TPRG1: variants seen among roughly 807,000 people sequenced by gnomAD.
The protein encoded by TPRG1 is tumor protein p63-regulated gene 1 protein.
Under a neutral mutation model 29.3 loss-of-function variants are expected in TPRG1, and 29 were observed. That is an observed-to-expected ratio of 0.99 (90% CI 0.74 to 1.35). TPRG1 has a LOEUF of 1.35. TPRG1 is among the 40% of genes most tolerant of loss of function. The probability of loss-of-function intolerance (pLI) is 0.00; values close to 1 mark genes in which losing one functional copy is unlikely to be tolerated. For synonymous variants in TPRG1, 130 were observed against 116.8 expected (o/e 1.11, Z -0.73); for missense variants, 327 against 335.0 (o/e 0.98, Z 0.19).
intron 1 of TPRG1, among the ~76,000 whole-genome samples, chr3:189,101,857 T>C (rs1719240998): frequency 6.6e-6 from 1 of 151,948 alleles, no homozygotes; most frequent in African/African-American, 2.4e-5. Context: ...TACTCAGTAC[T>C]TGGTGTGCTG....
At chr3:189,236,035 A>G (rs958832525) in intron 3 of TPRG1, among the ~76,000 whole-genome samples, 2 of 152,224 alleles carry the variant, frequency 1.3e-5, no homozygotes, top group Non-Finnish European at 2.9e-5. Context: ...GGAATATGCA[A>G]TTTAATGTTT....
chr3:189,272,643 CTCTT>C (rs1244715041), intron 4 of TPRG1, among the ~76,000 whole-genome samples: 1 of 151,754 alleles, frequency 6.6e-6, no homozygotes, highest in Non-Finnish European at 1.5e-5. Flanking sequence ...TTCTCTCTCT[CTCTT>C]TCCTTCCTTC....
intron 2 of TPRG1, among the ~76,000 whole-genome samples, chr3:189,130,802 A>G (rs928291920): frequency 1.3e-5 from 2 of 152,240 alleles, no homozygotes; most frequent in Non-Finnish European, 2.9e-5. Flanking sequence ...TATTCCAGCT[A>G]TAACAGGCTT....
At chr3:189,142,659 C>T (rs1724728442) in intron 3 of TPRG1, among the ~76,000 whole-genome samples, 1 of 152,212 alleles carries the variant, frequency 6.6e-6, no homozygotes, top group Non-Finnish European at 1.5e-5. Flanking sequence ...ATGGTGCTTG[C>T]AACCTGTTCC....
At chr3:189,239,509 A>G (rs1317980036) in intron 4 of TPRG1, among the ~76,000 whole-genome samples, 2 of 152,206 alleles carry the variant, frequency 1.3e-5, no homozygotes, top group East Asian at 3.9e-4. Flanking sequence ...GTAAGGAAGA[A>G]AGAGCTGTGG....
intron 4 of TPRG1, among the ~76,000 whole-genome samples, chr3:189,046,941 A>G (rs1200394925): frequency 2.6e-5 from 4 of 152,152 alleles, no homozygotes; most frequent in South Asian, 4.1e-4. Flanking sequence ...AACGACAACA[A>G]TGAGTTCTCA....
At chr3:189,155,059 T>A (rs1344749694) in intron 5 of TPRG1, among the ~76,000 whole-genome samples, 1 of 152,136 alleles carries the variant, frequency 6.6e-6, no homozygotes, top group Non-Finnish European at 1.5e-5. Context: ...CCCTGAGGCC[T>A]GCATGCAACT....
chr3:189,032,755 A>C (rs1203568889), intron 4 of TPRG1, among the ~76,000 whole-genome samples: 76 of 55,060 alleles, frequency 1.4e-3, no homozygotes, highest in Middle Eastern at 0.017. Flanking sequence ...CCCTCCCCCC[A>C]CCCCACAACA....
chr3:189,111,161 T>A (rs912153663), intron 1 of TPRG1, among the ~76,000 whole-genome samples: 1 of 151,980 alleles, frequency 6.6e-6, no homozygotes, highest in Admixed American at 6.6e-5. Context: ...TAGGTTAATT[T>A]GGGGGAAATT....
intron 3 of TPRG1, among the ~76,000 whole-genome samples, chr3:189,135,472 C>A (rs1020459708): frequency 1.3e-5 from 2 of 152,174 alleles, no homozygotes; most frequent in African/African-American, 4.8e-5. Context: ...CAAGCTAAAA[C>A]CTAGTCCTCT....
At chr3:189,133,447 A>G (rs537343210) in intron 3 of TPRG1, among the ~76,000 whole-genome samples, 1 of 152,226 alleles carries the variant, frequency 6.6e-6, no homozygotes, top group Admixed American at 6.5e-5. Flanking sequence ...TTGAATTGTA[A>G]TCCCCTCGTA....
chr3:189,305,294 G>A (rs1721451479), intron 4 of TPRG1, among the ~76,000 whole-genome samples: 1 of 152,204 alleles, frequency 6.6e-6, no homozygotes, highest in South Asian at 2.1e-4. Flanking sequence ...AACTCAGACT[G>A]AGGACTGACT....
intron 4 of TPRG1, among the ~76,000 whole-genome samples, chr3:189,065,513 A>G (rs984267825): frequency 1.3e-5 from 2 of 152,194 alleles, no homozygotes; most frequent in African/African-American, 2.4e-5. Context: ...AAGTGACTTA[A>G]CACTCAAAAA....
chr3:189,093,634 G>A (rs1166402268), intron 4 of TPRG1, among the ~76,000 whole-genome samples: 2 of 152,074 alleles, frequency 1.3e-5, no homozygotes, highest in African/African-American at 2.4e-5. Flanking sequence ...CTTTCATCTC[G>A]GGGCTATTTC....
chr3:189,169,314 G>A (rs1380061987), upstream of TPRG1, among the ~76,000 whole-genome samples: 5 of 152,058 alleles, frequency 3.3e-5, no homozygotes, highest in South Asian at 2.1e-4. Context: ...ACAGGGGCCC[G>A]CCACTGCGCC....
chr3:189,113,131 T>G (rs990586847), intron 1 of TPRG1, among the ~76,000 whole-genome samples: 6 of 152,194 alleles, frequency 3.9e-5, no homozygotes, highest in Non-Finnish European at 7.3e-5. Context: ...TTATTCTCTT[T>G]GAAGCAATTG....
At chr3:189,312,165 CTT>C (rs1560689465) in intron 5 of TPRG1, among the ~76,000 whole-genome samples, 8 of 68,676 alleles carry the variant, frequency 1.2e-4, no homozygotes, top group African/African-American at 3.6e-4. Flanking sequence ...TTCTTTCTTT[CTT>C]TCTTTCTTTC....
chr3:189,284,354 C>CG (rs1717684501), intron 4 of TPRG1, among the ~76,000 whole-genome samples: 1 of 114,726 alleles, frequency 8.7e-6, no homozygotes, highest in Non-Finnish European at 1.8e-5. Flanking sequence ...CTCCCCCCCC[C>CG]TCCCCCCACC....
intron 4 of TPRG1, among the ~76,000 whole-genome samples, chr3:189,270,169 A>G (rs1037927273): frequency 3.3e-5 from 5 of 152,014 alleles, no homozygotes; most frequent in African/African-American, 1.2e-4. Context: ...TTTTAAGAAA[A>G]ATAATAATAA....
Sources: allele counts gnomAD v4.1 joint callset (sites outside exome capture counted in the v4.1 genomes callset), GRCh38; gene constraint gnomAD v4.1.1; transcripts MANE v1.5; gene names NCBI Gene and HGNC (gene_info 2026-07-23, HGNC 2026-07-21).